Variants in FOXP1 observed in about 807,000 individuals in gnomAD.
The protein encoded by FOXP1 is forkhead box P1, also known as forkhead box protein P1.
Under a neutral mutation model 98.2 loss-of-function variants are expected in FOXP1, and 15 were observed. The ratio of observed to expected loss-of-function variants is 0.15; its 90% confidence interval spans 0.10 to 0.24. FOXP1 has a LOEUF of 0.24. Among genes scored for constraint, FOXP1 ranks in the 10% least tolerant of loss-of-function variants. The pLI, the probability that FOXP1 is intolerant of heterozygous loss-of-function variation, is 1.00. For synonymous variants in FOXP1, 371 were observed against 314.5 expected (o/e 1.18, Z -1.90); for missense variants, 633 against 848.5 (o/e 0.75, Z 3.15).
At chr3:70,987,721 C>T (rs2039973744) in intron 14 of FOXP1, among the ~76,000 whole-genome samples, 1 of 152,190 alleles carries the variant, frequency 6.6e-6, no homozygotes, top group East Asian at 1.9e-4. Flanking sequence ...CAGTACCTTG[C>T]TTGGGCACCA....
rs767136577 is a variant in FOXP1, at chr3:71,198,411, A to C, written c.-11-19T>G. 2.6e-6 allele frequency: 1 copy of C among 379,276 alleles called. No homozygotes were observed. Among genetic ancestry groups the C allele is most frequent in the Non-Finnish European group, 5.2e-6 (1 of 193,578 alleles). The allele number at this position is 379,276 out of a possible 1,614,324, so 23.5% of individuals were successfully genotyped here. ...CAAAAACCTGATACAAGGATTTCCA[A>C]GATGGGGGGAGGGAGGGGGGGAGAA... On this transcript the variant is annotated intron_variant, in intron 5 of 20. Coordinates refer to ENST00000649528, the MANE Select transcript of FOXP1 (RefSeq NM_001349338.3).
chr3:71,246,995 G>T (rs1382339561), intron 5 of FOXP1, among the ~76,000 whole-genome samples: 2 of 152,132 alleles, frequency 1.3e-5, no homozygotes, highest in Non-Finnish European at 2.9e-5. Context: ...AATACAGGGT[G>T]ATTCTTTCAC....
At chr3:71,240,463 T>G (rs2067160868) in intron 5 of FOXP1, among the ~76,000 whole-genome samples, 1 of 152,222 alleles carries the variant, frequency 6.6e-6, no homozygotes, top group South Asian at 2.1e-4. Flanking sequence ...AAATGGGTGG[T>G]TTTTGGATAA....
intron 7 of FOXP1, among the ~76,000 whole-genome samples, chr3:71,108,486 CT>C (rs1327422452): frequency 6.6e-6 from 1 of 152,226 alleles, no homozygotes; most frequent in Non-Finnish European, 1.5e-5. Flanking sequence ...AAAGCCTATG[CT>C]GGGCACAGTG....
intron 11 of FOXP1, among the ~76,000 whole-genome samples, chr3:71,036,288 C>T (rs1439648747): frequency 6.6e-6 from 1 of 152,210 alleles, no homozygotes; most frequent in African/African-American, 2.4e-5. Flanking sequence ...ACTATCGTGA[C>T]TGAAGAGAGC....
intron 2 of FOXP1, among the ~76,000 whole-genome samples, chr3:71,509,287 C>G (rs1324593347): frequency 6.6e-6 from 1 of 152,146 alleles, no homozygotes; most frequent in Non-Finnish European, 1.5e-5. Flanking sequence ...ACTCTAGAAG[C>G]TGAAAGTCGA....
At position 71,067,943 on chromosome 3, in the gene FOXP1, A is replaced by AAT. The variant is rs1553721659; in HGVS notation, c.283-14172_283-14171dup. 8.3e-4 allele frequency among the ~76,000 whole-genome samples: 125 copies of AAT among 150,772 alleles called. No homozygotes were observed. The East Asian group carries it at 0.01, about 13-fold the overall frequency. On this transcript the variant is annotated intron_variant, in intron 7 of 20. Coordinates refer to ENST00000649528, the MANE Select transcript of FOXP1 (RefSeq NM_001349338.3). ...AAAATAAAAAATAAAATAAAAAAAA[A>AAT]ATATATACTACAGGCTTCCAAGAGG... is the stretch of plus-strand genomic sequence containing the variant.
chr3:71,378,904 C>A (rs958528205), intron 3 of FOXP1, among the ~76,000 whole-genome samples: 1 of 151,924 alleles, frequency 6.6e-6, no homozygotes. Context: ...ATGTATCCCC[C>A]ATGAATAATG....
intron 4 of FOXP1, among the ~76,000 whole-genome samples, chr3:71,323,197 C>T (rs948457691): frequency 5.9e-5 from 9 of 152,122 alleles, no homozygotes; most frequent in African/African-American, 2.2e-4. Flanking sequence ...TCTCGAACTC[C>T]TGACCTCATG....
Position 71,493,105 on chromosome 3 carries a change from G to C in FOXP1, c.-168+321C>G, listed in dbSNP as rs569243618. Among the ~76,000 whole-genome samples the C allele has an allele frequency of 5.6e-4, 74 of 133,136 alleles. 1 individual carries two copies. The highest frequency in any genetic ancestry group is 1.8e-3 in the African/African-American group (72 of 40,456). 87.3% of individuals were successfully genotyped at this position (133,136 alleles called of 152,430 possible). Reference sequence around the variant, plus strand: ...GTTGTCTTATTTCTTGGTGGCTCATGTTATCACCAAGTTGTAATGGGACCA... The same window carrying C: ...GTTGTCTTATTTCTTGGTGGCTCATCTTATCACCAAGTTGTAATGGGACCA... On this transcript the variant is annotated intron_variant, in intron 3 of 20. Transcript: ENST00000649528.
At chr3:71,053,924 C>G in intron 7 of FOXP1, 151 bp from the exon 8 acceptor site, 1 of 815,426 alleles carries the variant, frequency 1.2e-6, no homozygotes, top group East Asian at 2.7e-5. Context: ...AGCAACAGAT[C>G]CTATTTAATC....
intron 3 of FOXP1, among the ~76,000 whole-genome samples, chr3:71,369,993 G>A (rs1409761812): frequency 1.3e-5 from 2 of 152,150 alleles, no homozygotes; most frequent in African/African-American, 2.4e-5. Context: ...AAAAGATTTC[G>A]TGGAAGAAAT....
intron 3 of FOXP1, among the ~76,000 whole-genome samples, chr3:71,439,275 T>C (rs1198690061): frequency 1.3e-5 from 2 of 152,198 alleles, no homozygotes; most frequent in Non-Finnish European, 2.9e-5. Context: ...CTTTTCCTGG[T>C]TCCTGAAAAC....
At chr3:71,532,639 C>A (rs1488769531) in intron 2 of FOXP1, among the ~76,000 whole-genome samples, 1 of 152,164 alleles carries the variant, frequency 6.6e-6, no homozygotes. Flanking sequence ...TCCTCCCAAT[C>A]CATGCCCAAC....
At position 71,163,905 on chromosome 3, in the gene FOXP1, T is replaced by G. The variant is rs115096879; in HGVS notation, c.180+34297A>C. On this transcript the variant is annotated intron_variant, in intron 6 of 20. Coordinates refer to ENST00000649528, the MANE Select transcript of FOXP1 (RefSeq NM_001349338.3). ...TTTTTCTCCCATGACAATAGAAAAG[T>G]TAGAAAGTAGTCCACAGAGAGTGTG... Among the ~76,000 whole-genome samples the G allele has an allele frequency of 5.3e-3, 800 of 152,160 alleles. 9 individuals are homozygous for G. Among genetic ancestry groups the G allele is most frequent in the Non-Finnish European group, 9.1e-3 (616 of 68,014 alleles).
intron 6 of FOXP1, 64 bp downstream of exon 6, chr3:71,198,138 G>T: frequency 6.2e-7 from 1 of 1,613,536 alleles, no homozygotes; most frequent in Non-Finnish European, 8.5e-7. Context: ...GCGATTAAGT[G>T]TAAAATTCAG....
intron 3 of FOXP1, among the ~76,000 whole-genome samples, chr3:71,391,782 T>C (rs188766585): frequency 6.6e-6 from 1 of 152,278 alleles, no homozygotes; most frequent in East Asian, 1.9e-4. Flanking sequence ...ATTAAGAAAA[T>C]TTCACTGCAG....
At chr3:71,551,502 C>A (rs943137155) in intron 2 of FOXP1, among the ~76,000 whole-genome samples, 13 of 152,198 alleles carry the variant, frequency 8.5e-5, no homozygotes, top group Admixed American at 8.5e-4. Context: ...ATGGCCTGGA[C>A]AGACAGATTA....
chr3:71,389,001 G>A (rs1240091750), intron 3 of FOXP1, among the ~76,000 whole-genome samples: 14 of 152,106 alleles, frequency 9.2e-5, no homozygotes, highest in Admixed American at 8.5e-4. Flanking sequence ...TAAAGGTGTG[G>A]CTTTGGGAGG....
Sources: gnomAD v4.1 joint callset for allele counts (sites outside exome capture counted in the v4.1 genomes callset) on GRCh38, gnomAD v4.1.1 for gene constraint, MANE v1.5 for transcripts, NCBI Gene and HGNC (gene_info 2026-07-23, HGNC 2026-07-21) for gene names.